SPTA1: variants seen among roughly 807,000 people sequenced by gnomAD.
The protein encoded by SPTA1 is spectrin alpha chain, erythrocytic 1.
A neutral mutation model predicts 324.7 loss-of-function variants in SPTA1; 177 were observed. The ratio of observed to expected loss-of-function variants is 0.55; its 90% CI spans 0.48 to 0.62. The LOEUF (loss-of-function observed/expected upper bound fraction) is 0.62, where lower values mean the gene tolerates loss of function less well. SPTA1 is among the 20% of genes least tolerant of loss of function. The pLI, the probability that SPTA1 is intolerant of heterozygous loss-of-function variation, is 0.00. For missense variants in SPTA1, 3,162 were observed against 2,883.6 expected, an observed-to-expected ratio of 1.10 and a Z score of -2.21; for synonymous variants, 1,195 against 1,041.3, an observed-to-expected ratio of 1.15 and a Z score of -2.84.
In SPTA1 at chr1:158,669,802, T is replaced by C. The variant is rs1571502567; in HGVS notation, c.1600-16A>G. 6.2e-7 allele frequency: 1 copy of C among 1,613,156 alleles called. No individual in the cohort carries two copies. Among genetic ancestry groups the C allele is most frequent in the African/African-American group, 1.3e-5 (1 of 74,872 alleles). ...TGTCTACAGTCTGAAAAAATAAAAA[T>C]AAAAATGAATGCTTTTCCTTCAGTG... On this transcript the variant is annotated splice_polypyrimidine_tract_variant and intron_variant, in intron 12 of 51. Coordinates refer to ENST00000643759, the MANE Select transcript of SPTA1 (RefSeq NM_003126.4).
intron 43 of SPTA1, among the ~76,000 whole-genome samples, chr1:158,622,387 T>C (rs943580626): frequency 3.9e-5 from 6 of 152,028 alleles, no homozygotes; most frequent in Non-Finnish European, 8.8e-5. Context: ...GTATTATTAA[T>C]ACACACATAT....
Position 158,620,155 on chromosome 1 carries a change from C to A in SPTA1, c.6417+15G>T, listed in dbSNP as rs766463258. 2 of 1,613,826 alleles carry A rather than the reference C, an allele frequency of 1.2e-6. No homozygotes were observed. Among genetic ancestry groups the A allele is most frequent in the African/African-American group, 2.7e-5 (2 of 74,882 alleles). ...CACTGTAGTGAAAGGAAGTTTCTGC[C>A]GTGTTCCAGGTTACCTCAATGATGT... On this transcript the variant is annotated intron_variant, in intron 44 of 51. Transcript: ENST00000643759.
At chr1:158,632,759 C>CTTT (rs34990595) in intron 39 of SPTA1, among the ~76,000 whole-genome samples, 31 of 138,336 alleles carry the variant, frequency 2.2e-4, no homozygotes, top group Admixed American at 4.4e-4. Context: ...AGGAATTTGG[C>CTTT]TTTTTTTTTT....
intron 51 of SPTA1, 96 bp from the exon 52 acceptor site, chr1:158,611,485 AG>A: frequency 6.8e-7 from 1 of 1,469,928 alleles, no homozygotes. Flanking sequence ...CAGGAGATGG[AG>A]AGTCTCTGGA....
chr1:158,686,286 C>T (rs1030502389), intron 1 of SPTA1, among the ~76,000 whole-genome samples: 10 of 152,070 alleles, frequency 6.6e-5, no homozygotes, highest in African/African-American at 9.7e-5. Flanking sequence ...CTCTGGGAAC[C>T]GACTTAAGTC....
At chr1:158,638,265 T>A (rs1557942465) in intron 35 of SPTA1, 24 bp from the exon 36 acceptor site, 5 of 1,603,270 alleles carry the variant, frequency 3.1e-6, no homozygotes, top group Non-Finnish European at 4.2e-6. Flanking sequence ...GGATACTCAG[T>A]GAATAGTATA....
chr1:158,613,815 A>T lies in SPTA1; in HGVS notation c.6895T>A (p.Cys2299Ser), dbSNP rs1649394680. The stretch of plus-strand genomic sequence containing the variant: ...AAGTAGTAATTGAGTCCTCTCAGGC[A>T]GGACCGGAACTCTTTGTGAGTCAGG... ...GRLTHKEFRS[C>S]LRGLNYYLPM... Residue 2299 changes from cysteine to serine, a missense_variant, in exon 50 of 52, where the codon TGC becomes AGC. Coordinates refer to ENST00000643759, the MANE Select transcript of SPTA1 (RefSeq NM_003126.4). 1.9e-6 allele frequency: 3 copies of T among 1,613,866 alleles called. No homozygotes were observed. Among genetic ancestry groups the T allele is most frequent in the Non-Finnish European group, 8.5e-7 (1 of 1,179,922 alleles).
rs769462612 is a variant in SPTA1, at chr1:158,639,929, C to G, written c.4816G>C (p.Ala1606Pro). 1.9e-6 allele frequency: 3 copies of G among 1,613,900 alleles called. No homozygotes were observed. Among genetic ancestry groups the G allele is most frequent in the African/African-American group, 2.7e-5 (2 of 75,002 alleles). The stretch of plus-strand genomic sequence containing the variant: ...GTGTTGAACCTCTGTTGACGACTGG[C>G]CTCATTGAGCTTCTTCCCTTTGTCA... Reference protein sequence around the residue: ...TNDKGKKLNEASRQQRFNTSI... With the variant: ...TNDKGKKLNEPSRQQRFNTSI... The change falls in exon 34 of 52, where the codon GCC becomes CCC. Residue 1606 changes from alanine (A) to proline (P), a missense_variant. Coordinates refer to ENST00000643759, the MANE Select transcript of SPTA1 (RefSeq NM_003126.4).
chr1:158,669,246 A>G (rs1315532787), intron 14 of SPTA1, among the ~76,000 whole-genome samples, 162 bp downstream of exon 14: 3 of 152,216 alleles, frequency 2.0e-5, no homozygotes. Context: ...TTAACTGTAT[A>G]AATAGCCTTC....
chr1:158,619,498 C>T lies in SPTA1; in HGVS notation c.6418-164G>A, dbSNP rs547196690. The stretch of plus-strand genomic sequence containing the variant: ...CATATTTCATGCAGTCAACCTCTCT[C>T]ACCTCTAAAATGTAAAGATAGCCTG... On this transcript the variant is annotated intron_variant, in intron 44 of 51. Transcript: ENST00000643759. 1.4e-4 allele frequency among the ~76,000 whole-genome samples: 21 copies of T among 152,302 alleles called. No homozygotes were observed. In the South Asian group the frequency reaches 4.4e-3, roughly 32 times the overall value.
At chr1:158,634,785 C>A in intron 38 of SPTA1, 110 bp from the exon 39 acceptor site, 1 of 1,326,416 alleles carries the variant, frequency 7.5e-7, no homozygotes, top group Non-Finnish European at 1.1e-6. Context: ...TCTCACAAGG[C>A]AGCCACAGTT....
intron 5 of SPTA1, among the ~76,000 whole-genome samples, chr1:158,679,446 T>C (rs542875360): frequency 9.7e-4 from 148 of 152,278 alleles, no homozygotes; most frequent in African/African-American, 3.4e-3. Context: ...GCAGAAGTAA[T>C]TTTCTATGAG....
At position 158,674,531 on chromosome 1, in the gene SPTA1, C is replaced by T. The variant is rs1654267124; in HGVS notation, c.1248+9G>A. ...CCCCTCCTCCTACTGGGCAGCCTTT[C>T]TTCTCTACCTTATGCTGCTGATGCC... On this transcript the variant is annotated intron_variant, in intron 9 of 51. Coordinates refer to ENST00000643759, the MANE Select transcript of SPTA1 (RefSeq NM_003126.4). The T allele has an allele frequency of 6.2e-7, 1 of 1,614,000 alleles. No homozygotes were observed. Among genetic ancestry groups the T allele is most frequent in the African/African-American group, 1.3e-5 (1 of 74,940 alleles).
chr1:158,619,331 G>C lies in SPTA1; in HGVS notation c.6421C>G (p.Arg2141Gly), dbSNP rs41273519. ...WKHLSDIIEE[R>G]EQELQKEEAR... ...TCTTCCTTTTGCAGCTCCTGCTCCC[G>C]TTCCTAAAACCCCAAATCACAGACA... The change falls in exon 45 of 52, where the codon CGG becomes GGG. Residue 2141 changes from arginine (R) to glycine (G), a missense_variant. Coordinates refer to ENST00000643759, the MANE Select transcript of SPTA1 (RefSeq NM_003126.4). 4.3e-6 allele frequency: 7 copies of C among 1,613,834 alleles called. No individual in the cohort carries two copies. The South Asian group carries it at 7.7e-5, about 18-fold the overall frequency.
At chr1:158,647,145 ATCTACAGTGCATCATCTAT>A (rs770718684) in intron 27 of SPTA1, among the ~76,000 whole-genome samples, 102 of 152,074 alleles carry the variant, frequency 6.7e-4, no homozygotes, top group Non-Finnish European at 1.3e-3. Flanking sequence ...ATGTTACTTT[ATCTACAGTGCATCATCTAT>A]TCTACCCAAC....
chr1:158,648,730 TATC>T, intron 25 of SPTA1, 77 bp from the exon 26 acceptor site: 1 of 1,522,614 alleles, frequency 6.6e-7, no homozygotes, highest in Non-Finnish European at 9.0e-7. Flanking sequence ...ACAAGAAAGT[TATC>T]ATCACTACCA....
chr1:158,672,777 C>T (rs1329484553), intron 10 of SPTA1, among the ~76,000 whole-genome samples: 1 of 151,996 alleles, frequency 6.6e-6, no homozygotes, highest in East Asian at 1.9e-4. Flanking sequence ...GCTTGTTACA[C>T]CTGCAGCTGT....
rs768410664 is a variant in SPTA1, at chr1:158,680,713, G to A, written c.548C>T (p.Ser183Leu). ...WIGDKEAIAT[S>L]VELGEDWERT... ...CTCCCAGTCTTCACCTAGCTCCACTGATGTCGCTATAGCCTCCTGTAGACA... is the reference window on the plus strand; with the variant it reads ...CTCCCAGTCTTCACCTAGCTCCACTAATGTCGCTATAGCCTCCTGTAGACA... Residue 183 changes from serine (S) to leucine (L), a missense_variant, in exon 5 of 52, where the codon TCA becomes TTA. Physicochemically the swap from Ser to Leu is moderately radical, Grantham distance 145. Transcript: ENST00000643759. 2 of 1,613,696 alleles carry A rather than the reference G, an allele frequency of 1.2e-6. No individual in the cohort carries two copies. Among genetic ancestry groups the A allele is most frequent in the Admixed American group, 3.3e-5 (2 of 59,944 alleles).
rs560709312 is a variant in SPTA1, at chr1:158,685,373, T to C, written c.25-26A>G. On this transcript the variant is annotated intron_variant, in intron 1 of 51. Coordinates refer to ENST00000643759, the MANE Select transcript of SPTA1 (RefSeq NM_003126.4). ...CTGCAAGTTAAAAAGATTCTGTTAC[T>C]TGCTAGTTCTCAAATATTTAACATG... 7 of 1,609,690 alleles carry C rather than the reference T, an allele frequency of 4.3e-6. No individual in the cohort carries two copies. In the East Asian group the frequency reaches 1.6e-4, roughly 36 times the overall value.
Sources: allele counts gnomAD v4.1 joint callset (sites outside exome capture counted in the v4.1 genomes callset), GRCh38; gene constraint gnomAD v4.1.1; transcripts MANE v1.5; gene names NCBI Gene and HGNC (gene_info 2026-07-23, HGNC 2026-07-21).